Variants in CDH13 observed in about 807,000 individuals in gnomAD.
CDH13 encodes cadherin 13, also known as cadherin-13.
In CDH13, 24 loss-of-function variants were observed where a neutral mutation model predicts 63.8. The ratio of observed to expected loss-of-function variants is 0.38; its 90% confidence interval spans 0.27 to 0.53. CDH13 has a LOEUF of 0.53. CDH13 is among the 20% of genes least tolerant of loss of function. CDH13 has a pLI of 0.85. For synonymous variants in CDH13, 503 were observed against 355.3 expected, an observed-to-expected ratio of 1.42 and a Z score of -4.67; for missense variants, 1,049 against 903.1, an observed-to-expected ratio of 1.16 and a Z score of -2.07.
intron 2 of CDH13, among the ~76,000 whole-genome samples, chr16:82,912,382 T>G (rs1461140904): frequency 6.6e-6 from 1 of 152,034 alleles, no homozygotes; most frequent in Non-Finnish European, 1.5e-5. Flanking sequence ...AACCAGTAAC[T>G]CCATGGTTGT....
rs141159755 is a variant in CDH13 at position 82,726,617 on chromosome 16, G to A, written c.45+99480G>A. Among the ~76,000 whole-genome samples the A allele has an allele frequency of 2.1e-4, 32 of 152,214 alleles. No individual in the cohort carries two copies. The East Asian group carries it at 2.5e-3, about 12-fold the overall frequency. ...CGCTTGTTTCATTATTTACTTTATC[G>A]CCTTGGGCACACTCCATAAGTAGTC... On this transcript the variant is annotated intron_variant, in intron 1 of 13. Coordinates refer to ENST00000567109, the MANE Select transcript of CDH13 (RefSeq NM_001257.5).
rs530226187 is a variant in CDH13 at position 83,234,304 on chromosome 16, G to A, written c.636+16807G>A. On this transcript the variant is annotated intron_variant, in intron 5 of 13. Coordinates refer to ENST00000567109, the MANE Select transcript of CDH13 (RefSeq NM_001257.5). ...AATGAGTGAGTGTCACAAAACAGCC[G>A]GCCACTTGATTTTTATTCCTGTTTG... Among the ~76,000 whole-genome samples, 21 of 152,250 alleles carry A rather than the reference G, an allele frequency of 1.4e-4. No homozygotes were observed. In the East Asian group the frequency reaches 1.5e-3, roughly 11 times the overall value.
intron 2 of CDH13, among the ~76,000 whole-genome samples, chr16:83,016,604 A>G (rs1914822651): frequency 6.6e-6 from 1 of 152,200 alleles, no homozygotes; most frequent in South Asian, 2.1e-4. Context: ...TTATCAAGCC[A>G]CCAACCTTGT....
At chr16:82,845,807 G>A (rs191485843) in intron 1 of CDH13, among the ~76,000 whole-genome samples, 39 of 152,296 alleles carry the variant, frequency 2.6e-4, no homozygotes, top group African/African-American at 9.1e-4. Flanking sequence ...CCAACCCTGA[G>A]CAGGCACATC....
chr16:82,925,549 T>C (rs1308139079), intron 2 of CDH13, among the ~76,000 whole-genome samples: 1 of 152,152 alleles, frequency 6.6e-6, no homozygotes, highest in Non-Finnish European at 1.5e-5. Flanking sequence ...GTTGACAAAG[T>C]GAGTATTCGT....
chr16:83,443,222 G>A (rs2072535754), intron 6 of CDH13, among the ~76,000 whole-genome samples: 1 of 152,182 alleles, frequency 6.6e-6, no homozygotes, highest in Admixed American at 6.5e-5. Flanking sequence ...GCTTAGAATG[G>A]TGGATGGAGT....
At chr16:83,447,524 G>A (rs1010535999) in intron 6 of CDH13, among the ~76,000 whole-genome samples, 2 of 152,100 alleles carry the variant, frequency 1.3e-5, no homozygotes, top group Non-Finnish European at 2.9e-5. Context: ...CACCCAAAGA[G>A]CAGATAAACA....
rs772934133 is a variant in CDH13 at position 83,077,682 on chromosome 16, C to G, written c.366+45464C>G. On this transcript the variant is annotated intron_variant, in intron 3 of 13. Coordinates refer to ENST00000567109, the MANE Select transcript of CDH13 (RefSeq NM_001257.5). ...AAATTGCTATAAAAACGTTCATGCA[C>G]AATTCTGTGTATAGACCTGTTTTTC... Among the ~76,000 whole-genome samples the G allele has an allele frequency of 2.6e-4, 39 of 152,250 alleles. No individual in the cohort carries two copies. In the Middle Eastern group the frequency reaches 0.02, roughly 80 times the overall value.
Position 82,944,668 on chromosome 16 carries a change from C to T in CDH13, c.157+86195C>T, listed in dbSNP as rs573365994. Among the ~76,000 whole-genome samples the T allele has an allele frequency of 3.3e-5, 5 of 152,196 alleles. No homozygotes were observed. The East Asian group carries it at 9.7e-4, about 29-fold the overall frequency. ...TATCTGGCCCAAAATTTCAGCAGTACCACTGTTGAGAAACCCTGGGTACCT... is the reference window on the plus strand; with the variant it reads ...TATCTGGCCCAAAATTTCAGCAGTATCACTGTTGAGAAACCCTGGGTACCT... On this transcript the variant is annotated intron_variant, in intron 2 of 13. Transcript: ENST00000567109.
At position 83,485,336 on chromosome 16, in the gene CDH13, T is replaced by C. The variant is rs535366322; in HGVS notation, c.782-1141T>C. ...GTCCTTGACAATGGATATACCAGTT[T>C]CCCTTTATATCAGCTGCATGGGAGG... On this transcript the variant is annotated intron_variant, in intron 6 of 13. Transcript: ENST00000567109. Among the ~76,000 whole-genome samples the C allele has an allele frequency of 2.1e-4, 32 of 152,342 alleles. 1 individual carries two copies. In the East Asian group the frequency reaches 5.2e-3, roughly 25 times the overall value.
Position 83,267,606 on chromosome 16 carries a change from G to T in CDH13, c.636+50109G>T, listed in dbSNP as rs565159125. Among the ~76,000 whole-genome samples the T allele has an allele frequency of 2.6e-5, 4 of 152,218 alleles. 1 individual carries two copies. Among genetic ancestry groups the T allele is most frequent in the South Asian group, 4.2e-4 (2 of 4,816 alleles). On this transcript the variant is annotated intron_variant, in intron 5 of 13. Transcript: ENST00000567109. ...TTATCTCAGGAGAGTGTTTGTTACC[G>T]CGGGAGTGGGCTCCCGGTAAAAGGA...
At chr16:83,054,384 T>C (rs1479495489) in intron 3 of CDH13, among the ~76,000 whole-genome samples, 1 of 152,200 alleles carries the variant, frequency 6.6e-6, no homozygotes, top group Non-Finnish European at 1.5e-5. Context: ...TTTGGGGCCA[T>C]TAAGTAAAAT....
At chr16:83,502,551 A>C (rs1040787898) in intron 7 of CDH13, among the ~76,000 whole-genome samples, 1 of 152,178 alleles carries the variant, frequency 6.6e-6, no homozygotes, top group Non-Finnish European at 1.5e-5. Context: ...TTACAGCAGC[A>C]ATAGGAAATG....
intron 8 of CDH13, among the ~76,000 whole-genome samples, chr16:83,634,308 C>A (rs1911064410): frequency 6.6e-6 from 1 of 152,116 alleles, no homozygotes; most frequent in African/African-American, 2.4e-5. Flanking sequence ...GGCTTCTCCC[C>A]TGGCAATTAT....
intron 3 of CDH13, among the ~76,000 whole-genome samples, chr16:83,059,793 G>GTTTTTTTTTTTTTTT (rs66521965): frequency 8.8e-5 from 10 of 113,094 alleles, no homozygotes; most frequent in South Asian, 3.1e-4. Context: ...TTTTTTGTTT[G>GTTTTTTTTTTTTTTT]TTTTTTTTTT....
intron 7 of CDH13, among the ~76,000 whole-genome samples, chr16:83,568,607 T>C (rs1904312177): frequency 6.6e-6 from 1 of 151,758 alleles, no homozygotes; most frequent in Non-Finnish European, 1.5e-5. Flanking sequence ...GGGCAGGGGG[T>C]TGGGCTCAAC....
intron 6 of CDH13, among the ~76,000 whole-genome samples, chr16:83,415,566 AT>A (rs1176856814): frequency 3.3e-5 from 5 of 152,242 alleles, no homozygotes; most frequent in Admixed American, 1.3e-4. Context: ...ATCACAGGTC[AT>A]GATCAAGTGT....
At chr16:83,712,181 T>C (rs944141950) in intron 10 of CDH13, among the ~76,000 whole-genome samples, 1 of 152,186 alleles carries the variant, frequency 6.6e-6, no homozygotes, top group African/African-American at 2.4e-5. Flanking sequence ...CATCCACATA[T>C]ATATTTGGGG....
At chr16:83,699,145 A>G (rs1156381655) in intron 10 of CDH13, among the ~76,000 whole-genome samples, 1 of 152,222 alleles carries the variant, frequency 6.6e-6, no homozygotes, top group Admixed American at 6.5e-5. Context: ...GACTTATAAG[A>G]CATGGCCCCC....
Sources: allele counts gnomAD v4.1 joint callset (sites outside exome capture counted in the v4.1 genomes callset), GRCh38; gene constraint gnomAD v4.1.1; transcripts MANE v1.5; gene names NCBI Gene and HGNC (gene_info 2026-07-23, HGNC 2026-07-21).